The following KIAA0232 variants were observed in gnomAD, a reference collection of about 807,000 sequenced individuals.
KIAA0232 encodes the protein uncharacterized protein KIAA0232.
Under a neutral mutation model 122.0 loss-of-function variants are expected in KIAA0232, and 27 were observed. The observed-to-expected ratio is 0.22, with a 90% CI of 0.16 to 0.31. The LOEUF is 0.31. Among genes scored for constraint, KIAA0232 ranks in the 10% least tolerant of loss-of-function variants. The pLI is 1.00. For missense variants in KIAA0232, 1,551 were observed against 1,634.2 expected, an observed-to-expected ratio of 0.95 and a Z score of 0.88; for synonymous variants, 613 against 587.6, an observed-to-expected ratio of 1.04 and a Z score of -0.63.
In KIAA0232 at chr4:6,871,599, A is replaced by G. The variant is rs1251004312; in HGVS notation, c.3827A>G (p.Gln1276Arg). The change falls in exon 8 of 10, where the codon CAA becomes CGA. Residue 1276 changes from glutamine to arginine, a missense_variant. Transcript: ENST00000307659. ...TTCCCTGTATTGAACACTGATATAC[A>G]AGGAATGAATAGAAGTCAAGAAAAA... is the stretch of plus-strand genomic sequence containing the variant. Reference protein sequence around the residue: ...EEFPVLNTDIQGMNRSQEKQT... With the variant: ...EEFPVLNTDIRGMNRSQEKQT... The G allele has an allele frequency of 6.2e-7, 1 of 1,609,006 alleles. No homozygotes were observed. Among genetic ancestry groups the G allele is most frequent in the African/African-American group, 1.3e-5 (1 of 74,936 alleles).
chr4:6,883,609 C>G lies in KIAA0232; in HGVS notation c.*2643C>G, dbSNP rs1722180904. 6.6e-6 allele frequency: 1 copy of G among 152,202 alleles called. No individual in the cohort carries two copies. Among genetic ancestry groups the G allele is most frequent in the Non-Finnish European group, 1.5e-5 (1 of 68,028 alleles). 9.4% of individuals were successfully genotyped at this position (152,202 alleles called of 1,614,324 possible). On this transcript the variant is annotated 3_prime_UTR_variant, in exon 10 of 10. Transcript: ENST00000307659. Reference sequence around the variant, plus strand: ...ATCTCACCCCCAGCACACGCAGGGACTACTACCTGAGTCTGCAAAACACAT... The same window carrying G: ...ATCTCACCCCCAGCACACGCAGGGAGTACTACCTGAGTCTGCAAAACACAT...
chr4:6,878,553 G>C (rs2108854928), intron 9 of KIAA0232, among the ~76,000 whole-genome samples: 1 of 152,242 alleles, frequency 6.6e-6, no homozygotes, highest in Admixed American at 6.5e-5. Flanking sequence ...TACAGTCCTG[G>C]TTTCTGCACC....
chr4:6,833,819 T>C (rs183031358), intron 3 of KIAA0232, among the ~76,000 whole-genome samples: 2 of 152,266 alleles, frequency 1.3e-5, no homozygotes. Context: ...AGAAGGGTTA[T>C]AGGGTGAAAA....
At chr4:6,822,938 A>T (rs13112814) in intron 2 of KIAA0232, among the ~76,000 whole-genome samples, 4 of 109,614 alleles carry the variant, frequency 3.6e-5, no homozygotes, top group African/African-American at 1.4e-4. Context: ...CTCCCCCCAC[A>T]CCACAACAGT....
At chr4:6,869,810 A>G (rs1047910589) in intron 7 of KIAA0232, among the ~76,000 whole-genome samples, 8 of 152,390 alleles carry the variant, frequency 5.2e-5, no homozygotes, top group African/African-American at 9.6e-5. Flanking sequence ...AGTTAAAAGC[A>G]TAACAAAATC....
intron 3 of KIAA0232, among the ~76,000 whole-genome samples, chr4:6,827,536 C>CTT (rs1347264829): frequency 6.6e-6 from 1 of 152,240 alleles, no homozygotes; most frequent in Admixed American, 6.5e-5. Flanking sequence ...TTCCTCACAT[C>CTT]TTCGCTCACC....
rs1266313127 is a variant in KIAA0232, at chr4:6,824,268, G to T, written c.-186G>T. 1 of 606,462 alleles carries T rather than the reference G, an allele frequency of 1.6e-6. No homozygotes were observed. Among genetic ancestry groups the T allele is most frequent in the Admixed American group, 2.9e-5 (1 of 34,500 alleles). 37.6% of individuals were successfully genotyped at this position (606,462 alleles called of 1,614,324 possible). Reference sequence around the variant, plus strand: ...ACATGCATGTTGCTATCAGGATGTTGATTCATTAGTCATGCCTGAAGAGGG... The same window carrying T: ...ACATGCATGTTGCTATCAGGATGTTTATTCATTAGTCATGCCTGAAGAGGG... On this transcript the variant is annotated 5_prime_UTR_variant, in exon 3 of 10. The change abolishes the stop of an existing upstream ORF in the 5' untranslated region. Coordinates refer to ENST00000307659, the MANE Select transcript of KIAA0232 (RefSeq NM_014743.3).
At chr4:6,850,920 G>A (rs1051692179) in intron 4 of KIAA0232, among the ~76,000 whole-genome samples, 4 of 152,090 alleles carry the variant, frequency 2.6e-5, no homozygotes, top group African/African-American at 7.2e-5. Flanking sequence ...CGCCCACCTC[G>A]GCCTCCCAAA....
chr4:6,783,863 C>G (rs1339477101), intron 1 of KIAA0232, among the ~76,000 whole-genome samples: 1 of 152,198 alleles, frequency 6.6e-6, no homozygotes, highest in Non-Finnish European at 1.5e-5. Flanking sequence ...TCCAACAATA[C>G]GCGTCTGCAG....
chr4:6,861,049 A>G lies in KIAA0232; in HGVS notation c.667A>G (p.Lys223Glu). The change falls in exon 7 of 10, where the codon AAG (lysine) becomes GAG (glutamate). Residue 223 changes from lysine to glutamate, a missense_variant. By Grantham distance (56) the Lys-to-Glu change is moderately conservative. This residue lies in a region of KIAA0232 where 377 missense variants were observed against 381.7 expected (regional missense o/e 0.99). Transcript: ENST00000307659. ...PPASTDTSSP[K>E]DCNSESEVTK... ...AGCTAGCACAGATACTTCCTCTCCT[A>G]AGGACTGCAACAGTGAAAGTGAAGT... The G allele has an allele frequency of 6.2e-7, 1 of 1,614,158 alleles. No homozygotes were observed. The highest frequency in any genetic ancestry group is 8.5e-7 in the Non-Finnish European group (1 of 1,180,014).
intron 1 of KIAA0232, among the ~76,000 whole-genome samples, chr4:6,790,912 A>G (rs1417117799): frequency 2.5e-5 from 3 of 118,218 alleles, no homozygotes; most frequent in Non-Finnish European, 5.4e-5. Flanking sequence ...TTGTTTTTAT[A>G]TACTTTTTTT....
At position 6,855,445 on chromosome 4, in the gene KIAA0232, C is replaced by T. The variant is rs960134840; in HGVS notation, c.370-1719C>T. Among the ~76,000 whole-genome samples, 1 of 151,910 alleles carries T rather than the reference C, an allele frequency of 6.6e-6. No homozygotes were observed. Among genetic ancestry groups the T allele is most frequent in the African/African-American group, 2.4e-5 (1 of 41,352 alleles). ...GTAGTCAAGAAAAGAACAGAAAAACCTGGTTGGTAGAGCTTGCTTTTACAC... is the reference window on the plus strand; with the variant it reads ...GTAGTCAAGAAAAGAACAGAAAAACTTGGTTGGTAGAGCTTGCTTTTACAC... On this transcript the variant is annotated intron_variant, in intron 4 of 9. Transcript: ENST00000307659. The surrounding 1 kb of genome is among the most constrained non-coding windows in gnomAD (Gnocchi z 4.3).
In KIAA0232 at chr4:6,861,524, C is replaced by A. The variant is rs79520450; in HGVS notation, c.1142C>A (p.Thr381Asn). Residue 381 changes from threonine to asparagine, a missense_variant, in exon 7 of 10, where the codon ACT (threonine) becomes AAT (asparagine). Thr to Asn is a moderately conservative substitution (Grantham distance 65). Transcript: ENST00000307659. ...ATAGGGAGAAAAGATCCTGGGAGCA[C>A]TGAAGGAAAAGACCTGTACATGGAG... ...KEIGRKDPGSTEGKDLYMENR... is the reference protein window; with the variant it reads ...KEIGRKDPGSNEGKDLYMENR... 1.9e-6 allele frequency: 3 copies of A among 1,613,892 alleles called. No individual in the cohort carries two copies. The highest frequency in any genetic ancestry group is 1.7e-5 in the Admixed American group (1 of 59,978).
chr4:6,798,307 G>A lies in KIAA0232; in HGVS notation c.-353-6216G>A, dbSNP rs1396419395. On this transcript the variant is annotated intron_variant, in intron 1 of 9. Coordinates refer to ENST00000307659, the MANE Select transcript of KIAA0232 (RefSeq NM_014743.3). ...TTTGATGCTGAGTAGGTGCTCAGAT[G>A]TTGATTAAATGAACAAGGAATAAAA... Among the ~76,000 whole-genome samples, 3 of 152,194 alleles carry A rather than the reference G, an allele frequency of 2.0e-5. No homozygotes were observed. The East Asian group carries it at 5.8e-4, about 29-fold the overall frequency.
At position 6,864,146 on chromosome 4, in the gene KIAA0232, A is replaced by G; in HGVS notation, c.3764A>G (p.Tyr1255Cys). The change falls in exon 7 of 10, where the codon TAT (tyrosine) becomes TGT (cysteine). Residue 1255 changes from tyrosine to cysteine, a missense_variant. By Grantham distance (194) the Tyr-to-Cys change is radical. Around this residue, in one of 5 missense-constraint regions of KIAA0232, gnomAD observed 1,108 missense variants for 1,154.8 expected, o/e 0.96. Coordinates refer to ENST00000307659, the MANE Select transcript of KIAA0232 (RefSeq NM_014743.3). ...AAAGCAGGTTGTCAGTTTCCTGCTT[A>G]TGAAGATAATCCAGTTTCTTCGGGA... ...GCKAGCQFPA[Y>C]EDNPVSSGQL... 1.2e-6 allele frequency: 2 copies of G among 1,613,952 alleles called. No individual in the cohort carries two copies. Among genetic ancestry groups the G allele is most frequent in the Non-Finnish European group, 1.7e-6 (2 of 1,179,898 alleles).
At chr4:6,821,288 T>G (rs1023342323) in intron 2 of KIAA0232, among the ~76,000 whole-genome samples, 1 of 152,172 alleles carries the variant, frequency 6.6e-6, no homozygotes, top group African/African-American at 2.4e-5. Flanking sequence ...AGTCCTTTAG[T>G]GGTGATTTCT....
chr4:6,810,376 G>A (rs1273237417), intron 2 of KIAA0232, among the ~76,000 whole-genome samples: 2 of 152,118 alleles, frequency 1.3e-5, no homozygotes, highest in African/African-American at 4.8e-5. Flanking sequence ...ATTGCCCTGT[G>A]CATAAGAATG....
At chr4:6,876,212 G>A (rs1038359475) in intron 8 of KIAA0232, among the ~76,000 whole-genome samples, 2 of 152,288 alleles carry the variant, frequency 1.3e-5, no homozygotes, top group South Asian at 2.1e-4. Flanking sequence ...TCTCCATTGC[G>A]TTCCCTTCTG....
intron 2 of KIAA0232, among the ~76,000 whole-genome samples, chr4:6,812,669 A>T (rs116559987): frequency 0.011 from 1,601 of 152,282 alleles, 32 homozygotes; most frequent in African/African-American, 0.036. Context: ...GAGAAGAAAG[A>T]AAGAAGTGCT....
Sources: allele counts gnomAD v4.1 joint callset (sites outside exome capture counted in the v4.1 genomes callset), GRCh38; gene constraint gnomAD v4.1.1; regional missense constraint gnomAD v4.1.1; non-coding constraint Gnocchi (gnomAD v3.1); transcripts MANE v1.5; gene names NCBI Gene and HGNC (gene_info 2026-07-23, HGNC 2026-07-21).